CEP83: variants seen among roughly 807,000 people sequenced by gnomAD.
The protein encoded by CEP83 is centrosomal protein of 83 kDa.
A neutral mutation model predicts 101.9 loss-of-function variants in CEP83; 70 were observed. That is an observed-to-expected ratio of 0.69 (90% CI 0.57 to 0.84). The LOEUF (loss-of-function observed/expected upper bound fraction) is 0.84. Ranked by LOEUF, CEP83 falls within the 40% of genes least tolerant of loss-of-function variation. The pLI, the probability that CEP83 is intolerant of heterozygous loss-of-function variation, is 0.00. For missense variants in CEP83, 715 were observed against 787.2 expected, an observed-to-expected ratio of 0.91 and a Z score of 1.10; for synonymous variants, 264 against 267.9, an observed-to-expected ratio of 0.99 and a Z score of 0.14.
At chr12:94,360,205 A>C (rs2060682410) in intron 11 of CEP83, among the ~76,000 whole-genome samples, 1 of 152,006 alleles carries the variant, frequency 6.6e-6, no homozygotes, top group Non-Finnish European at 1.5e-5. Flanking sequence ...TTTTCCCCTA[A>C]GAACTAGAAC....
the CEP83 span, among the ~76,000 whole-genome samples, chr12:94,287,559 C>T: frequency 6.6e-6 from 1 of 151,482 alleles, no homozygotes; most frequent in African/African-American, 2.5e-5. Flanking sequence ...AAAGATTACA[C>T]TTCGAGTTCT....
chr12:94,301,241 A>T, the CEP83 span, among the ~76,000 whole-genome samples: 1 of 152,226 alleles, frequency 6.6e-6, no homozygotes, highest in Non-Finnish European at 1.5e-5. Context: ...TAATTTTTTT[A>T]AAGTGAAAAA....
At chr12:94,354,294 G>A (rs2060340304) in intron 11 of CEP83, among the ~76,000 whole-genome samples, 1 of 151,994 alleles carries the variant, frequency 6.6e-6, no homozygotes, top group East Asian at 1.9e-4. Flanking sequence ...GGGTTCTTGT[G>A]CCTCAGCCTC....
chr12:94,316,097 G>C (rs1322600349), intron 14 of CEP83, among the ~76,000 whole-genome samples: 1 of 152,106 alleles, frequency 6.6e-6, no homozygotes, highest in African/African-American at 2.4e-5. Flanking sequence ...GGGAAGAACT[G>C]ACACCTTAAT....
At chr12:94,418,890 G>T (rs2064495087) in intron 2 of CEP83, among the ~76,000 whole-genome samples, 1 of 151,870 alleles carries the variant, frequency 6.6e-6, no homozygotes, top group South Asian at 2.1e-4. Context: ...TCTCATCAAA[G>T]GTGTATATAA....
intron 1 of CEP83, among the ~76,000 whole-genome samples, chr12:94,449,023 GAA>G (rs34981223): frequency 8.3e-6 from 1 of 120,014 alleles, no homozygotes; most frequent in Non-Finnish European, 1.8e-5. Flanking sequence ...CAACAAAATC[GAA>G]AAAAAAAAAA....
intron 11 of CEP83, among the ~76,000 whole-genome samples, chr12:94,355,198 G>A (rs2060396663): frequency 6.6e-6 from 1 of 151,912 alleles, no homozygotes; most frequent in Non-Finnish European, 1.5e-5. Context: ...CAGGGAACTA[G>A]AAAAACAAGA....
At chr12:94,267,213 CACCGGACCCAA>C in the CEP83 span, among the ~76,000 whole-genome samples, 1 of 152,178 alleles carries the variant, frequency 6.6e-6, no homozygotes, top group East Asian at 1.9e-4. Context: ...CATGAGACAA[CACCGGACCCAA>C]ACAGGAAAGA....
intron 2 of CEP83, among the ~76,000 whole-genome samples, chr12:94,416,247 T>C (rs1363923917): frequency 6.6e-6 from 1 of 152,148 alleles, no homozygotes; most frequent in Non-Finnish European, 1.5e-5. Context: ...CTCATTAATA[T>C]AACTAAGAGT....
intron 1 of CEP83, among the ~76,000 whole-genome samples, chr12:94,448,908 A>G (rs796293148): frequency 1.3e-4 from 20 of 152,088 alleles, no homozygotes; most frequent in African/African-American, 4.3e-4. Flanking sequence ...ATTAAACCCA[A>G]AACAAGCAGA....
intron 6 of CEP83, among the ~76,000 whole-genome samples, chr12:94,393,337 A>T (rs1244984102): frequency 6.6e-6 from 1 of 152,218 alleles, no homozygotes; most frequent in African/African-American, 2.4e-5. Flanking sequence ...AAATCAATAA[A>T]CATAATCCAG....
chr12:94,386,259 A>ATGCATTAAGAGTATCTT (rs1248181056), intron 6 of CEP83, among the ~76,000 whole-genome samples: 3 of 152,200 alleles, frequency 2.0e-5, no homozygotes, highest in African/African-American at 7.2e-5. Context: ...TCAAAGTACT[A>ATGCATTAAGAGTATCTT]TGCATTAAGA....
At position 94,452,100 on chromosome 12, in the gene CEP83, T is replaced by C. The variant is rs1453920466; in HGVS notation, c.-155+7457A>G. ...AAAGAAGCCAGATGCAAAAGACTACTGTATTGATTCCATTTATATGAAATA... is the reference window on the plus strand; with the variant it reads ...AAAGAAGCCAGATGCAAAAGACTACCGTATTGATTCCATTTATATGAAATA... On this transcript the variant is annotated intron_variant, in intron 1 of 16. Coordinates refer to ENST00000397809, the MANE Select transcript of CEP83 (RefSeq NM_016122.3). Among the ~76,000 whole-genome samples, 3 of 152,280 alleles carry C rather than the reference T, an allele frequency of 2.0e-5. No homozygotes were observed. The East Asian group carries it at 5.8e-4, about 29-fold the overall frequency.
chr12:94,287,190 G>A, the CEP83 span, among the ~76,000 whole-genome samples: 1 of 152,230 alleles, frequency 6.6e-6, no homozygotes, highest in Non-Finnish European at 1.5e-5. Context: ...ATTCTGTCCT[G>A]TGCAGACAAA....
intron 3 of CEP83, 111 bp downstream of exon 3, chr12:94,412,207 T>C (rs527704231): frequency 1.2e-6 from 1 of 832,240 alleles, no homozygotes; most frequent in East Asian, 3.0e-5. Flanking sequence ...GTTTTAAATG[T>C]ATACATTGCA....
chr12:94,384,734 A>T (rs1003529208), intron 6 of CEP83, among the ~76,000 whole-genome samples: 2 of 151,996 alleles, frequency 1.3e-5, no homozygotes, highest in Non-Finnish European at 2.9e-5. Flanking sequence ...TAAAATTTCC[A>T]ATTTTCTTCT....
At chr12:94,286,744 C>G in the CEP83 span, among the ~76,000 whole-genome samples, 1 of 151,946 alleles carries the variant, frequency 6.6e-6, no homozygotes, top group Non-Finnish European at 1.5e-5. Flanking sequence ...TCTGTAGTGA[C>G]GGCCAGTTCC....
chr12:94,303,731 G>GGTTT, downstream of CEP83: 1 of 1,113,696 alleles, frequency 9.0e-7, no homozygotes, highest in Non-Finnish European at 1.2e-6. Context: ...GGTGATGGTT[G>GGTTT]CTTTTTTTTT....
the CEP83 span, among the ~76,000 whole-genome samples, chr12:94,278,720 G>A: frequency 1.3e-5 from 2 of 152,102 alleles, no homozygotes; most frequent in Non-Finnish European, 2.9e-5. Context: ...TCTTTGGGCC[G>A]GGCACAGTGG....
Sources: gnomAD v4.1 joint callset for allele counts (sites outside exome capture counted in the v4.1 genomes callset) on GRCh38, gnomAD v4.1.1 for gene constraint, MANE v1.5 for transcripts, NCBI Gene and HGNC (gene_info 2026-07-23, HGNC 2026-07-21) for gene names.